Variants in TMTC1 observed in about 807,000 individuals in gnomAD.
TMTC1 encodes transmembrane O-mannosyltransferase targeting cadherins 1, also known as protein O-mannosyl-transferase TMTC1.
Under a neutral mutation model 104.8 loss-of-function variants are expected in TMTC1, and 73 were observed. The observed-to-expected ratio is 0.70, with a 90% CI of 0.58 to 0.85. The LOEUF is 0.85. Ranked by LOEUF, TMTC1 falls within the 40% of genes least tolerant of loss-of-function variation. TMTC1 has a pLI of 0.00. For missense variants in TMTC1, 1,035 were observed against 1,096.1 expected, an observed-to-expected ratio of 0.94 and a Z score of 0.79; for synonymous variants, 434 against 428.7, an observed-to-expected ratio of 1.01 and a Z score of -0.15.
intron 5 of TMTC1, among the ~76,000 whole-genome samples, chr12:29,657,060 C>G (rs1017668816): frequency 4.6e-5 from 7 of 152,180 alleles, no homozygotes; most frequent in African/African-American, 1.7e-4. Flanking sequence ...TGTTCTTGTT[C>G]TCCCCCATCT....
intron 9 of TMTC1, among the ~76,000 whole-genome samples, chr12:29,564,144 G>C (rs969804346): frequency 2.0e-5 from 3 of 152,180 alleles, no homozygotes; most frequent in Non-Finnish European, 2.9e-5. Flanking sequence ...AGAATGGAAA[G>C]GAGGAAAATA....
chr12:29,688,210 C>A (rs775066667), intron 5 of TMTC1, among the ~76,000 whole-genome samples: 3 of 152,108 alleles, frequency 2.0e-5, no homozygotes, highest in African/African-American at 7.2e-5. Context: ...AGGATGTAAC[C>A]ATGCTTTTCC....
intron 6 of TMTC1, among the ~76,000 whole-genome samples, chr12:29,624,296 T>C (rs548972177): frequency 6.6e-6 from 1 of 151,988 alleles, no homozygotes; most frequent in Non-Finnish European, 1.5e-5. Context: ...TGAATTCCTT[T>C]CTCTAGTCTT....
chr12:29,728,731 G>C (rs1297999252), intron 5 of TMTC1, among the ~76,000 whole-genome samples: 1 of 151,788 alleles, frequency 6.6e-6, no homozygotes, highest in Non-Finnish European at 1.5e-5. Flanking sequence ...AGGCGCAGTG[G>C]CTTACGCCTG....
At chr12:29,769,231 T>G (rs1355678964) in intron 1 of TMTC1, among the ~76,000 whole-genome samples, 1 of 152,224 alleles carries the variant, frequency 6.6e-6, no homozygotes. Flanking sequence ...GACATATGAA[T>G]GCAAATGTCA....
chr12:29,779,181 A>G (rs1943777927), intron 1 of TMTC1, among the ~76,000 whole-genome samples: 1 of 152,220 alleles, frequency 6.6e-6, no homozygotes, highest in South Asian at 2.1e-4. Flanking sequence ...CATGTTCACC[A>G]ACATTTCTGT....
intron 12 of TMTC1, 21 bp downstream of exon 12, chr12:29,520,596 GT>G: frequency 6.3e-7 from 1 of 1,575,152 alleles, no homozygotes; most frequent in Non-Finnish European, 8.7e-7. Flanking sequence ...CAGCAGTACA[GT>G]TTCTCTTTAA....
chr12:29,591,458 T>A (rs1313531363), intron 7 of TMTC1, among the ~76,000 whole-genome samples: 1 of 152,180 alleles, frequency 6.6e-6, no homozygotes, highest in African/African-American at 2.4e-5. Context: ...AAAGAGCCAG[T>A]GCAAACACTG....
At chr12:29,514,174 G>A (rs1943918649) in intron 16 of TMTC1, among the ~76,000 whole-genome samples, 1 of 152,188 alleles carries the variant, frequency 6.6e-6, no homozygotes, top group Admixed American at 6.5e-5. Flanking sequence ...AGCTGGAATA[G>A]AAGGTCTTGC....
intron 11 of TMTC1, among the ~76,000 whole-genome samples, chr12:29,525,807 C>A (rs1253822392): frequency 6.6e-6 from 1 of 152,158 alleles, no homozygotes; most frequent in Admixed American, 6.5e-5. Context: ...ATAAGACAAT[C>A]TAGTTGAATC....
intron 6 of TMTC1, among the ~76,000 whole-genome samples, chr12:29,626,287 G>C (rs1937986351): frequency 6.6e-6 from 1 of 152,164 alleles, no homozygotes; most frequent in African/African-American, 2.4e-5. Flanking sequence ...TAGTATTTTA[G>C]AACTTGAAGT....
chr12:29,557,717 T>G (rs953628136), intron 9 of TMTC1, among the ~76,000 whole-genome samples: 2 of 148,708 alleles, frequency 1.3e-5, no homozygotes, highest in Non-Finnish European at 3.0e-5. Flanking sequence ...CCCAAAGTGC[T>G]GGGATTACAG....
chr12:29,600,087 G>A (rs2136387702), intron 7 of TMTC1, among the ~76,000 whole-genome samples: 1 of 146,214 alleles, frequency 6.8e-6, no homozygotes, highest in South Asian at 2.2e-4. Context: ...GGTCAGGATG[G>A]AAGGAGATTC....
intron 7 of TMTC1, among the ~76,000 whole-genome samples, chr12:29,591,366 T>C (rs1946276917): frequency 1.3e-5 from 2 of 152,066 alleles, no homozygotes; most frequent in African/African-American, 4.8e-5. Context: ...TTTGGGGAGA[T>C]GAAACCAGAG....
intron 5 of TMTC1, among the ~76,000 whole-genome samples, chr12:29,645,987 C>A (rs1437900839): frequency 6.6e-6 from 1 of 152,222 alleles, no homozygotes; most frequent in Non-Finnish European, 1.5e-5. Flanking sequence ...TCAATTCCCA[C>A]TGCAAGCATA....
chr12:29,582,736 A>G (rs1034940518), intron 8 of TMTC1, among the ~76,000 whole-genome samples: 1 of 152,220 alleles, frequency 6.6e-6, no homozygotes, highest in African/African-American at 2.4e-5. Context: ...GAAACCAAGA[A>G]AAAAATCATG....
chr12:29,775,869 G>A (rs972521637), intron 1 of TMTC1, among the ~76,000 whole-genome samples: 1 of 152,012 alleles, frequency 6.6e-6, no homozygotes, highest in South Asian at 2.1e-4. Flanking sequence ...AGCCCACCAT[G>A]AGTCAACTCC....
chr12:29,552,359 T>C (rs1294540911), intron 10 of TMTC1, among the ~76,000 whole-genome samples: 2 of 152,236 alleles, frequency 1.3e-5, no homozygotes, highest in African/African-American at 2.4e-5. Context: ...ATTAATCACA[T>C]GCTAAAATAA....
At chr12:29,592,726 T>C (rs1329292410) in intron 7 of TMTC1, among the ~76,000 whole-genome samples, 1 of 152,222 alleles carries the variant, frequency 6.6e-6, no homozygotes, top group Non-Finnish European at 1.5e-5. Context: ...CTCTAGTTCT[T>C]AATTTATTTA....
Sources: gnomAD v4.1 joint callset for allele counts (sites outside exome capture counted in the v4.1 genomes callset) on GRCh38, gnomAD v4.1.1 for gene constraint, MANE v1.5 for transcripts, NCBI Gene and HGNC (gene_info 2026-07-23, HGNC 2026-07-21) for gene names.